The following ZFHX3 variants were observed in gnomAD, a reference collection of about 807,000 sequenced individuals.
The protein encoded by ZFHX3 is zinc finger homeobox 3.
In ZFHX3, 42 loss-of-function variants were observed where a neutral mutation model predicts 279.1. The ratio of observed to expected loss-of-function variants is 0.15; its 90% CI spans 0.12 to 0.19. ZFHX3 has a LOEUF of 0.19. Ranked by LOEUF, ZFHX3 falls within the 10% of genes least tolerant of loss-of-function variation. The pLI is 1.00. For missense variants in ZFHX3, 4,981 were observed against 4,754.0 expected (o/e 1.05, Z -1.40); for synonymous variants, 2,293 against 1,957.8 (o/e 1.17, Z -4.52).
chr16:72,857,351 G>C (rs908075884), intron 4 of ZFHX3, among the ~76,000 whole-genome samples: 4 of 152,130 alleles, frequency 2.6e-5, no homozygotes, highest in African/African-American at 9.7e-5. Flanking sequence ...GTTTCACAAG[G>C]ACAGGAAGTT....
intron 2 of ZFHX3, among the ~76,000 whole-genome samples, chr16:73,605,198 C>A (rs2052165255): frequency 2.0e-5 from 3 of 152,304 alleles, no homozygotes; most frequent in African/African-American, 7.2e-5. Flanking sequence ...TAAAATGGAA[C>A]CATGTCTAGC....
chr16:72,976,455 T>A (rs766232889), intron 1 of ZFHX3, among the ~76,000 whole-genome samples: 40 of 152,202 alleles, frequency 2.6e-4, no homozygotes, highest in Non-Finnish European at 4.3e-4. Context: ...CACTGGTTGT[T>A]CTAATGATTT....
intron 1 of ZFHX3, among the ~76,000 whole-genome samples, chr16:73,870,934 G>T (rs563195579): frequency 6.6e-6 from 1 of 152,030 alleles, no homozygotes; most frequent in Non-Finnish European, 1.5e-5. Context: ...TTTTTAATCT[G>T]AATCGTGTTT....
chr16:73,488,489 T>A (rs1243312033), intron 2 of ZFHX3, among the ~76,000 whole-genome samples: 3 of 152,074 alleles, frequency 2.0e-5, no homozygotes, highest in African/African-American at 7.2e-5. Flanking sequence ...CACAGGGATA[T>A]GAAAATAGGT....
At chr16:73,525,914 G>A in intron 2 of ZFHX3, among the ~76,000 whole-genome samples, 1 of 152,214 alleles carries the variant, frequency 6.6e-6, no homozygotes, top group South Asian at 2.1e-4. Context: ...GTGAGAGCCA[G>A]ACACACGATT....
chr16:73,889,870 T>C (rs531541461), intron 1 of ZFHX3, among the ~76,000 whole-genome samples: 4 of 152,316 alleles, frequency 2.6e-5, no homozygotes, highest in African/African-American at 9.6e-5. Context: ...ATTATTCTTG[T>C]GAATAAAATT....
chr16:72,962,565 C>A (rs142863363), intron 1 of ZFHX3, among the ~76,000 whole-genome samples: 7 of 152,308 alleles, frequency 4.6e-5, no homozygotes, highest in South Asian at 4.1e-4. Flanking sequence ...CCTTTCCATG[C>A]GCACCAGCTG....
chr16:73,735,743 TCTCA>T lies in ZFHX3; in HGVS notation c.-1607-55507_-1607-55504del, dbSNP rs763978349. On this transcript the variant is annotated intron_variant, in intron 1 of 17. Transcript: ENST00000641206. ...CCCATAGACATTCCCTTTTGAGCTATCTCATCTCATGGCTTTGTACAGTTCCACC... is the reference window on the plus strand; with the variant it reads ...CCCATAGACATTCCCTTTTGAGCTATTCTCATGGCTTTGTACAGTTCCACC... Among the ~76,000 whole-genome samples the T allele has an allele frequency of 6.5e-4, 99 of 152,268 alleles. No individual in the cohort carries two copies. The Middle Eastern group carries it at 0.017, about 26-fold the overall frequency.
At chr16:73,879,397 A>T (rs751088207) in intron 1 of ZFHX3, among the ~76,000 whole-genome samples, 1 of 151,926 alleles carries the variant, frequency 6.6e-6, no homozygotes, top group Admixed American at 6.6e-5. Context: ...CCCTTTTAAG[A>T]ATAAGAATTC....
chr16:72,911,228 G>A (rs2039308130), intron 3 of ZFHX3, among the ~76,000 whole-genome samples: 1 of 152,218 alleles, frequency 6.6e-6, no homozygotes, highest in Non-Finnish European at 1.5e-5. Flanking sequence ...TGCCACAGGA[G>A]TTAATATTTG....
chr16:73,401,373 C>A (rs1597319734), intron 3 of ZFHX3: 1 of 136,204 alleles, frequency 7.3e-6, no homozygotes, highest in Non-Finnish European at 1.5e-5. Context: ...AAAAACAAAA[C>A]ACACACACAC....
At chr16:72,892,074 T>C (rs1489726233) in intron 3 of ZFHX3, among the ~76,000 whole-genome samples, 3 of 152,144 alleles carry the variant, frequency 2.0e-5, no homozygotes, top group Non-Finnish European at 4.4e-5. Flanking sequence ...GACACTGCCC[T>C]GACGCTCACG....
intron 3 of ZFHX3, among the ~76,000 whole-genome samples, chr16:73,427,019 T>C (rs1158716730): frequency 1.3e-5 from 2 of 152,140 alleles, no homozygotes; most frequent in African/African-American, 2.4e-5. Context: ...ATTTTTAAAA[T>C]GTCAGCTCAG....
At position 72,959,921 on chromosome 16, in the gene ZFHX3, G is replaced by C; in HGVS notation, c.225C>G (p.Ala75=). ...ATTCGTTGCAGGTGACCTCCTTGCT[G>C]GCGGGCTCGGAGGGGGGCCCGGCCG... ...TASAGPPSEP[A]SKEVTCNECS... Residue 75 remains alanine (A), a synonymous_variant, in exon 2 of 10, where the codon GCC becomes GCG. Transcript: ENST00000268489. The C allele has an allele frequency of 1.3e-6, 2 of 1,599,222 alleles. No homozygotes were observed. Among genetic ancestry groups the C allele is most frequent in the Non-Finnish European group, 1.7e-6 (2 of 1,171,850 alleles).
intron 4 of ZFHX3, among the ~76,000 whole-genome samples, chr16:73,258,358 T>TATATATATATA (rs1567432751): frequency 6.6e-6 from 1 of 150,724 alleles, no homozygotes; most frequent in African/African-American, 2.5e-5. Flanking sequence ...TATATATATA[T>TATATATATATA]TTGTTTTCTG....
At chr16:73,490,889 C>A (rs937074350) in intron 2 of ZFHX3, among the ~76,000 whole-genome samples, 3 of 152,080 alleles carry the variant, frequency 2.0e-5, no homozygotes, top group Non-Finnish European at 2.9e-5. Flanking sequence ...TAAGAAACTG[C>A]AGAGGTGAGA....
intron 1 of ZFHX3, among the ~76,000 whole-genome samples, chr16:73,010,139 G>A (rs917349321): frequency 3.9e-5 from 6 of 152,044 alleles, no homozygotes; most frequent in African/African-American, 1.4e-4. Flanking sequence ...TCCCACCACA[G>A]AGCAAGGCCC....
intron 4 of ZFHX3, among the ~76,000 whole-genome samples, chr16:72,833,418 T>C (rs2037113208): frequency 6.6e-6 from 1 of 152,164 alleles, no homozygotes; most frequent in African/African-American, 2.4e-5. Flanking sequence ...CAGATTTTTT[T>C]CCCCTATAAT....
intron 7 of ZFHX3, among the ~76,000 whole-genome samples, chr16:73,097,050 C>T (rs1423126032): frequency 6.6e-6 from 1 of 151,798 alleles, no homozygotes; most frequent in Non-Finnish European, 1.5e-5. Flanking sequence ...CTCTCCCCCT[C>T]CTTCCCTCCC....
Sources: gnomAD v4.1 joint callset for allele counts (sites outside exome capture counted in the v4.1 genomes callset) on GRCh38, gnomAD v4.1.1 for gene constraint, MANE v1.5 for transcripts, NCBI Gene and HGNC (gene_info 2026-07-23, HGNC 2026-07-21) for gene names.